AFF3: variants seen among roughly 807,000 people sequenced by gnomAD.
AFF3 encodes the protein AF4/FMR2 family member 3.
In AFF3, 32 loss-of-function variants were observed where a neutral mutation model predicts 129.7. That is an observed-to-expected ratio of 0.25 (90% CI 0.19 to 0.33). The LOEUF is 0.33. Among genes scored for constraint, AFF3 ranks in the 10% least tolerant of loss-of-function variants. The pLI, the probability that AFF3 is intolerant of heterozygous loss-of-function variation, is 1.00. For synonymous variants in AFF3, 644 were observed against 635.4 expected (o/e 1.01, Z -0.20); for missense variants, 1,373 against 1,592.0 (o/e 0.86, Z 2.34).
rs145417819 is a variant in AFF3 at position 99,757,206 on chromosome 2, G to C, written c.922-4905C>G. Among the ~76,000 whole-genome samples, 13 of 152,226 alleles carry C rather than the reference G, an allele frequency of 8.5e-5. No individual in the cohort carries two copies. In the East Asian group the frequency reaches 2.3e-3, roughly 27 times the overall value. The stretch of plus-strand genomic sequence containing the variant: ...GCTTTAAAAACCATGTGGTATGCTG[G>C]TGATGCCTAAAAGCACATCCAGGTC... On this transcript the variant is annotated intron_variant, in intron 8 of 24. Transcript: ENST00000672756.
In AFF3 at chr2:99,702,057, T is replaced by C. The variant is rs560546377; in HGVS notation, c.1091+25020A>G. Among the ~76,000 whole-genome samples the C allele has an allele frequency of 2.0e-5, 3 of 152,362 alleles. No homozygotes were observed. In the East Asian group the frequency reaches 5.8e-4, roughly 29 times the overall value. On this transcript the variant is annotated intron_variant, in intron 11 of 24. Transcript: ENST00000672756. ...TTAGGTAGTTTCTGGTTCTTGGCTA[T>C]TGCAAATAAAGCTGCTATGAGCCTT...
chr2:99,924,231 TG>T (rs1558979418), intron 7 of AFF3, among the ~76,000 whole-genome samples: 1 of 152,166 alleles, frequency 6.6e-6, no homozygotes, highest in Non-Finnish European at 1.5e-5. Flanking sequence ...ATCCCTGTTG[TG>T]GGGGGTTAAA....
chr2:99,868,006 CTCTT>C (rs902911238), intron 7 of AFF3, among the ~76,000 whole-genome samples: 7 of 129,428 alleles, frequency 5.4e-5, no homozygotes, highest in Non-Finnish European at 9.8e-5. Context: ...ACCCACGACT[CTCTT>C]TCTTTCCTTT....
intron 5 of AFF3, chr2:100,007,827 T>G: frequency 4.7e-6 from 1 of 212,770 alleles, no homozygotes; most frequent in Non-Finnish European, 9.5e-6. Flanking sequence ...ATACAAAAAT[T>G]AGTGGGGTGT....
intron 4 of AFF3, chr2:100,011,350 T>C (rs1220862312): frequency 3.5e-5 from 25 of 716,908 alleles, no homozygotes; most frequent in Non-Finnish European, 6.4e-5. Context: ...CCCACACACA[T>C]GCTTGCTGCC....
At chr2:99,628,190 A>G (rs1271855710) in intron 13 of AFF3, among the ~76,000 whole-genome samples, 3 of 152,234 alleles carry the variant, frequency 2.0e-5, no homozygotes, top group African/African-American at 7.2e-5. Context: ...GATTCTTCCT[A>G]TCCAAAAGCA....
chr2:99,804,183 T>A (rs1200169014), intron 8 of AFF3, among the ~76,000 whole-genome samples: 1 of 152,124 alleles, frequency 6.6e-6, no homozygotes, highest in Non-Finnish European at 1.5e-5. Context: ...TTGCAAACTA[T>A]TCATGTGACA....
chr2:100,064,833 C>CT (rs1331981991), intron 4 of AFF3, among the ~76,000 whole-genome samples: 6 of 152,306 alleles, frequency 3.9e-5, no homozygotes, highest in Non-Finnish European at 8.8e-5. Flanking sequence ...ACGCTGTTCT[C>CT]TTTTTTATAA....
chr2:99,618,298 C>T (rs1241330805), intron 13 of AFF3, among the ~76,000 whole-genome samples: 1 of 132,632 alleles, frequency 7.5e-6, no homozygotes, highest in African/African-American at 3.0e-5. Flanking sequence ...TACAGTGGCG[C>T]TATCTTGGCT....
intron 4 of AFF3, among the ~76,000 whole-genome samples, chr2:100,010,016 C>T (rs1380118206): frequency 6.6e-6 from 1 of 152,144 alleles, no homozygotes; most frequent in Non-Finnish European, 1.5e-5. Context: ...GGCACACTCA[C>T]CTGCGAAATG....
Position 100,039,092 on chromosome 2 carries a change from G to A in AFF3, c.54-30160C>T, listed in dbSNP as rs536411813. On this transcript the variant is annotated intron_variant, in intron 4 of 24. Coordinates refer to ENST00000672756, the MANE Select transcript of AFF3 (RefSeq NM_001386135.1). Reference sequence around the variant, plus strand: ...ATTAATTGTTTTACTTTTATAATGAGAAAAAGGTCAGCAGTGTCTAAAATT... The same window carrying A: ...ATTAATTGTTTTACTTTTATAATGAAAAAAAGGTCAGCAGTGTCTAAAATT... 2.0e-5 allele frequency among the ~76,000 whole-genome samples: 3 copies of A among 152,162 alleles called. No individual in the cohort carries two copies. In the East Asian group the frequency reaches 5.8e-4, roughly 29 times the overall value.
intron 11 of AFF3, among the ~76,000 whole-genome samples, chr2:99,715,240 C>G (rs1237702785): frequency 6.6e-6 from 1 of 152,158 alleles, no homozygotes; most frequent in Non-Finnish European, 1.5e-5. Flanking sequence ...TTAAAACTTT[C>G]TATTAATTTT....
At chr2:100,008,763 G>A (rs1351716082) in intron 5 of AFF3, 49 bp downstream of exon 5, 1 of 1,596,934 alleles carries the variant, frequency 6.3e-7, no homozygotes. Context: ...GTCACAGGGA[G>A]TGAGAGAAAC....
At chr2:99,705,096 G>T (rs1056181558) in intron 11 of AFF3, among the ~76,000 whole-genome samples, 12 of 152,200 alleles carry the variant, frequency 7.9e-5, no homozygotes, top group Non-Finnish European at 1.5e-4. Flanking sequence ...AGAAGGCCTT[G>T]TCAATGGGGT....
chr2:99,625,171 T>C (rs1351324261), intron 13 of AFF3, among the ~76,000 whole-genome samples: 1 of 152,216 alleles, frequency 6.6e-6, no homozygotes, highest in Admixed American at 6.5e-5. Context: ...ATCCTGACAT[T>C]TTCTTATGCA....
In AFF3 at chr2:99,751,558, C is replaced by A. The variant is rs1341801647; in HGVS notation, c.1002+663G>T. Among the ~76,000 whole-genome samples the A allele has an allele frequency of 2.0e-5, 3 of 152,282 alleles. No homozygotes were observed. The East Asian group carries it at 5.8e-4, about 29-fold the overall frequency. The stretch of plus-strand genomic sequence containing the variant: ...TGGCACATAAACTCCTGATAGTAAT[C>A]TCTGGGTAGGGAAATAATCTCTGGC... On this transcript the variant is annotated intron_variant, in intron 9 of 24. Transcript: ENST00000672756.
At chr2:99,964,723 A>G (rs144860191) in intron 7 of AFF3, among the ~76,000 whole-genome samples, 8 of 152,338 alleles carry the variant, frequency 5.3e-5, no homozygotes, top group African/African-American at 1.9e-4. Flanking sequence ...CTAGCAATGT[A>G]CAAAAAGAAT....
At chr2:99,941,176 C>T (rs1253826249) in intron 7 of AFF3, among the ~76,000 whole-genome samples, 1 of 152,088 alleles carries the variant, frequency 6.6e-6, no homozygotes, top group African/African-American at 2.4e-5. Flanking sequence ...ACCAAGGGCC[C>T]GTCTCCAGGC....
chr2:99,651,971 G>A (rs1002794651), intron 12 of AFF3, among the ~76,000 whole-genome samples: 1 of 152,170 alleles, frequency 6.6e-6, no homozygotes, highest in African/African-American at 2.4e-5. Context: ...GGTAGGAGCT[G>A]GATGACCTCG....
Sources: gnomAD v4.1 joint callset for allele counts (sites outside exome capture counted in the v4.1 genomes callset) on GRCh38, gnomAD v4.1.1 for gene constraint, MANE v1.5 for transcripts, NCBI Gene and HGNC (gene_info 2026-07-23, HGNC 2026-07-21) for gene names.